Variants in HAGH observed in about 807,000 individuals in gnomAD.
HAGH encodes hydroxyacylglutathione hydrolase, mitochondrial.
In HAGH, 29 loss-of-function variants were observed where a neutral mutation model predicts 35.1. The observed-to-expected ratio is 0.83, with a 90% CI of 0.62 to 1.13. HAGH has a LOEUF of 1.13. Ranked by LOEUF, HAGH falls within the 50% of genes most tolerant of loss-of-function variation. The probability of loss-of-function intolerance (pLI) is 0.00; values close to 1 mark genes in which losing one functional copy is unlikely to be tolerated. For synonymous variants in HAGH, 225 were observed against 176.1 expected (o/e 1.28, Z -2.20); for missense variants, 478 against 419.6 (o/e 1.14, Z -1.22).
chr16:1,810,001 T>TA, intron 7 of HAGH, 168 bp from the exon 8 acceptor site: 1 of 604,472 alleles, frequency 1.7e-6, no homozygotes, highest in South Asian at 1.9e-5. Context: ...CTGTGTCTAC[T>TA]AAAAATACAA....
chr16:1,827,017 G>T (rs954131473), upstream of HAGH: 8 of 702,162 alleles, frequency 1.1e-5, no homozygotes, highest in Admixed American at 2.3e-4. Flanking sequence ...CGAGAGCTGC[G>T]CCGGGAGAGC....
Position 1,826,807 on chromosome 16 carries a change from T to TG in HAGH, c.-21dup. On this transcript the variant is annotated 5_prime_UTR_variant, in exon 1 of 9. Transcript: ENST00000397356. ...CACCATGACCCGGGCCGGGCTGGACTGCCGAGCTGCCCAGGACTGCAAAAC... is the reference window on the plus strand; with the variant it reads ...CACCATGACCCGGGCCGGGCTGGACTGGCCGAGCTGCCCAGGACTGCAAAAC... 1 of 1,216,812 alleles carries TG rather than the reference T, an allele frequency of 8.2e-7. No homozygotes were observed. The highest frequency in any genetic ancestry group is 1.0e-6 in the Non-Finnish European group (1 of 974,156). 75.4% of individuals were successfully genotyped at this position (1,216,812 alleles called of 1,614,324 possible). A position where few individuals can be genotyped will look rare whatever the true frequency, so the allele number is the denominator to read the frequency against.
At chr16:1,820,376 G>A (rs1271674864) in intron 3 of HAGH, among the ~76,000 whole-genome samples, 1 of 152,022 alleles carries the variant, frequency 6.6e-6, no homozygotes, top group Non-Finnish European at 1.5e-5. Flanking sequence ...TTGTCCTGGT[G>A]CAGTGGGTCC....
At position 1,822,911 on chromosome 16, in the gene HAGH, T is replaced by A. The variant is rs1050683014; in HGVS notation, c.203A>T (p.Asp68Val). Residue 68 changes from aspartate (D) to valine (V), a missense_variant, in exon 2 of 9, where the codon GAT becomes GTT. Physicochemically the swap from Asp to Val is radical, Grantham distance 152. Coordinates refer to ENST00000397356, the MANE Select transcript of HAGH (RefSeq NM_005326.6). The part of the protein sequence containing the change: ...TDNYMYLVID[D>V]ETKEAAIVDP... ...CACAATGGCAGCCTCCTTGGTCTCA[T>A]CATCAATGACCAGGTACATGTAGTT... 49 of 1,613,746 alleles carry A rather than the reference T, an allele frequency of 3.0e-5. No homozygotes were observed. Among genetic ancestry groups the A allele is most frequent in the Non-Finnish European group, 4.2e-5 (49 of 1,179,948 alleles).
chr16:1,809,229 G>T lies in HAGH; in HGVS notation c.*54C>A. 1 of 1,210,826 alleles carries T rather than the reference G, an allele frequency of 8.3e-7. No individual in the cohort carries two copies. Among genetic ancestry groups the T allele is most frequent in the Non-Finnish European group, 1.2e-6 (1 of 833,470 alleles). 75.0% of individuals were successfully genotyped at this position (1,210,826 alleles called of 1,614,324 possible). On this transcript the variant is annotated 3_prime_UTR_variant, in exon 9 of 9. Transcript: ENST00000397356. ...ATTTCCCGCACGGACCAGCAGGAAA[G>T]CCAGTTACCTAAAAGAGCCTAATCC...
intron 7 of HAGH, among the ~76,000 whole-genome samples, chr16:1,814,033 C>G (rs759167599): frequency 3.3e-5 from 5 of 152,220 alleles, no homozygotes; most frequent in Non-Finnish European, 7.3e-5. Flanking sequence ...GCACCACACA[C>G]AAACACCATC....
At chr16:1,810,178 C>CCT (rs1897579634) in intron 7 of HAGH, 2 of 270,626 alleles carry the variant, frequency 7.4e-6, no homozygotes, top group Admixed American at 9.2e-5. Context: ...CTTCAGAACA[C>CCT]CTCCTGGTAA....
intron 7 of HAGH, among the ~76,000 whole-genome samples, chr16:1,814,388 C>T (rs368272851): frequency 6.6e-6 from 1 of 150,794 alleles, no homozygotes; most frequent in South Asian, 2.1e-4. Context: ...GCAGGAGAAT[C>T]GCTTAAACCC....
At chr16:1,820,681 CATG>C (rs988457985) in intron 3 of HAGH, among the ~76,000 whole-genome samples, 28 of 152,308 alleles carry the variant, frequency 1.8e-4, no homozygotes, top group Admixed American at 5.9e-4. Flanking sequence ...CCGGGTCTCA[CATG>C]ATATCACAGA....
chr16:1,809,478 C>T (rs1231046186), intron 8 of HAGH, 96 bp from the exon 9 acceptor site: 3 of 999,572 alleles, frequency 3.0e-6, no homozygotes, highest in Non-Finnish European at 4.6e-6. Flanking sequence ...GCTGGCCGAG[C>T]CCAGCCCTCA....
At chr16:1,827,139 C>CG (rs999382158), upstream of HAGH, 3 of 1,479,498 alleles carry the variant, frequency 2.0e-6, no homozygotes, top group African/African-American at 2.8e-5. Context: ...GCCGTCGCTG[C>CG]GGGGGACAGC....
intron 3 of HAGH, chr16:1,821,814 G>C (rs574713349): frequency 1.3e-5 from 2 of 152,632 alleles, no homozygotes; most frequent in African/African-American, 4.8e-5. Context: ...TTGTATTTTC[G>C]GTAGAGACTG....
intron 7 of HAGH, among the ~76,000 whole-genome samples, chr16:1,811,780 T>C (rs1897658898): frequency 2.0e-5 from 3 of 152,130 alleles, no homozygotes; most frequent in Admixed American, 2.0e-4. Context: ...CTCCACCTCG[T>C]GTGGGTTCTG....
chr16:1,810,001 T>C lies in HAGH; in HGVS notation c.748-168A>G, dbSNP rs545516077. 1.5e-5 allele frequency: 9 copies of C among 604,472 alleles called. No homozygotes were observed. The East Asian group carries it at 2.5e-4, about 17-fold the overall frequency. 37.4% of individuals were successfully genotyped at this position (604,472 alleles called of 1,614,324 possible). A position where few individuals can be genotyped will look rare whatever the true frequency, so the allele number is the denominator to read the frequency against. ...CAACATGGCGAGACCCTGTGTCTAC[T>C]AAAAATACAAAAAACTAGCCAGGCA... is the stretch of plus-strand genomic sequence containing the variant. On this transcript the variant is annotated intron_variant, in intron 7 of 8. Transcript: ENST00000397356.
intron 8 of HAGH, 35 bp downstream of exon 8, chr16:1,809,719 A>T: frequency 7.0e-7 from 1 of 1,419,028 alleles, no homozygotes; most frequent in Non-Finnish European, 1.0e-6. Context: ...GCCAGAGGGG[A>T]GGGGCCCGCG....
intron 2 of HAGH, 77 bp downstream of exon 2, chr16:1,822,788 G>A (rs1055197453): frequency 7.2e-6 from 9 of 1,243,910 alleles, no homozygotes; most frequent in African/African-American, 4.4e-5. Context: ...AGGACACTGC[G>A]GTTAGGAAAC....
chr16:1,823,082 T>G (rs28416063), intron 1 of HAGH, 45 bp from the exon 2 acceptor site: 105,152 of 1,578,832 alleles, frequency 0.067, 3,791 homozygotes, highest in East Asian at 0.12. Flanking sequence ...CGCCAGGCCC[T>G]CCACGACAGG....
chr16:1,813,643 A>T (rs561392960), intron 7 of HAGH, among the ~76,000 whole-genome samples: 1 of 152,260 alleles, frequency 6.6e-6, no homozygotes, highest in African/African-American at 2.4e-5. Context: ...AATTCTCGCC[A>T]CATCAGTTAT....
chr16:1,824,171 A>G (rs1195430583), intron 1 of HAGH, among the ~76,000 whole-genome samples: 1 of 151,962 alleles, frequency 6.6e-6, no homozygotes, highest in Non-Finnish European at 1.5e-5. Flanking sequence ...TCAGTGAGCC[A>G]AGATCGCCCT....
Sources: allele counts gnomAD v4.1 joint callset (sites outside exome capture counted in the v4.1 genomes callset), GRCh38; gene constraint gnomAD v4.1.1; transcripts MANE v1.5; gene names NCBI Gene and HGNC (gene_info 2026-07-23, HGNC 2026-07-21).